GPHN: variants seen among roughly 807,000 people sequenced by gnomAD.
The protein encoded by GPHN is gephyrin.
GPHN carries 17 observed loss-of-function variants against 95.5 expected under a neutral mutation model. That is an observed-to-expected ratio of 0.18 (90% CI 0.12 to 0.27). GPHN has a LOEUF of 0.27. Among genes scored for constraint, GPHN ranks in the 10% least tolerant of loss-of-function variants. GPHN has a pLI of 1.00. For missense variants in GPHN, 660 were observed against 978.1 expected (o/e 0.67, Z 4.34); for synonymous variants, 320 against 322.5 (o/e 0.99, Z 0.08).
chr14:67,157,090 C>A (rs2081639935), intron 18 of GPHN, among the ~76,000 whole-genome samples: 1 of 151,606 alleles, frequency 6.6e-6, no homozygotes, highest in African/African-American at 2.4e-5. Context: ...AGAGACACAT[C>A]TTAAATATTA....
chr14:66,697,301 A>G (rs1287576675), intron 2 of GPHN, among the ~76,000 whole-genome samples: 1 of 152,182 alleles, frequency 6.6e-6, no homozygotes, highest in Non-Finnish European at 1.5e-5. Flanking sequence ...CAGCATTTAT[A>G]ATTTGCCTTA....
rs1444626580 is a variant in GPHN at position 66,536,239 on chromosome 14, C to T, written c.64+27648C>T. On this transcript the variant is annotated intron_variant, in intron 1 of 22. Coordinates refer to ENST00000478722, the MANE Select transcript of GPHN (RefSeq NM_020806.5). ...GTGCTGGGATTACAGGTGTGAGCCACTGCGCCCAGTCTGATAGTTTTCTAA... is the reference window on the plus strand; with the variant it reads ...GTGCTGGGATTACAGGTGTGAGCCATTGCGCCCAGTCTGATAGTTTTCTAA... 5.3e-5 allele frequency among the ~76,000 whole-genome samples: 8 copies of T among 152,316 alleles called. No individual in the cohort carries two copies. In the East Asian group the frequency reaches 5.8e-4, roughly 11 times the overall value.
intron 9 of GPHN, among the ~76,000 whole-genome samples, chr14:67,011,572 T>TGA (rs1594809648): frequency 1.9e-5 from 1 of 52,272 alleles, no homozygotes; most frequent in Admixed American, 2.7e-4. Flanking sequence ...AGACCTTGCC[T>TGA]CAAAAAAAAA....
At chr14:66,746,531 T>C (rs931397974) in intron 2 of GPHN, among the ~76,000 whole-genome samples, 1 of 152,134 alleles carries the variant, frequency 6.6e-6, no homozygotes, top group African/African-American at 2.4e-5. Flanking sequence ...GCTAAGGCCT[T>C]TAAATATTTG....
At chr14:67,303,664 T>C in the GPHN span, 2 of 1,117,816 alleles carry the variant, frequency 1.8e-6, no homozygotes, top group East Asian at 2.4e-5. Context: ...TGTTACTGTT[T>C]ACTGTTACAG....
chr14:67,351,641 TG>T, the GPHN span, among the ~76,000 whole-genome samples: 1 of 152,124 alleles, frequency 6.6e-6, no homozygotes, highest in African/African-American at 2.4e-5. Flanking sequence ...CCCAAGTAGC[TG>T]GGACTACAGG....
chr14:66,779,618 A>T (rs2059533264), intron 3 of GPHN, among the ~76,000 whole-genome samples: 1 of 152,170 alleles, frequency 6.6e-6, no homozygotes, highest in African/African-American at 2.4e-5. Flanking sequence ...ACACCTGGAC[A>T]TTGGAAAAAG....
the GPHN span, among the ~76,000 whole-genome samples, chr14:67,514,377 G>GT: frequency 6.6e-6 from 1 of 152,170 alleles, no homozygotes; most frequent in African/African-American, 2.4e-5. Context: ...GAACCGGGCT[G>GT]TAACACTCCC....
At chr14:67,468,703 G>T in the GPHN span, among the ~76,000 whole-genome samples, 2 of 152,088 alleles carry the variant, frequency 1.3e-5, no homozygotes, top group African/African-American at 2.4e-5. Flanking sequence ...AGACCAGCCT[G>T]GCCAACATGG....
rs113555859 is a variant in GPHN at position 66,844,908 on chromosome 14, T to C, written c.294+20342T>C. Among the ~76,000 whole-genome samples the C allele has an allele frequency of 3.0e-3, 464 of 152,198 alleles. 8 individuals are homozygous for C. The highest frequency in any genetic ancestry group is 0.011 in the African/African-American group (439 of 41,542). On this transcript the variant is annotated intron_variant, in intron 4 of 22. Coordinates refer to ENST00000478722, the MANE Select transcript of GPHN (RefSeq NM_020806.5). ...CTCCCTCCCCCAACCCCTGGTAAAC[T>C]ATAATCTACTTTCTGTCTTTATAAA... is the stretch of plus-strand genomic sequence containing the variant.
chr14:67,195,713 TTGTGTGTGTGTGTGTGTGTGTG>T, the GPHN span, among the ~76,000 whole-genome samples: 13 of 143,230 alleles, frequency 9.1e-5, no homozygotes, highest in Non-Finnish European at 1.7e-4. Flanking sequence ...TTCTTTTTGG[TTGTGTGTGTGTGTGTGTGTGTG>T]TGTGTGTGTG....
the GPHN span, among the ~76,000 whole-genome samples, chr14:67,425,828 C>G: frequency 6.6e-6 from 1 of 151,982 alleles, no homozygotes; most frequent in South Asian, 2.1e-4. Context: ...GGGCGTGTCT[C>G]TGCTGATCTG....
chr14:67,724,550 C>T, the GPHN span: 37 of 1,613,862 alleles, frequency 2.3e-5, no homozygotes, highest in East Asian at 8.9e-5. Flanking sequence ...GGCGCCAACA[C>T]GGGCATTGGC....
intron 10 of GPHN, among the ~76,000 whole-genome samples, chr14:67,053,635 T>C (rs1407587274): frequency 2.0e-5 from 3 of 152,058 alleles, no homozygotes; most frequent in Non-Finnish European, 4.4e-5. Flanking sequence ...CATCCTGATA[T>C]CAAAACCTGG....
At chr14:66,662,612 G>A (rs1363490626) in intron 1 of GPHN, among the ~76,000 whole-genome samples, 1 of 152,214 alleles carries the variant, frequency 6.6e-6, no homozygotes, top group African/African-American at 2.4e-5. Flanking sequence ...TTTGGAATTG[G>A]GCAGAGGCTG....
the GPHN span, among the ~76,000 whole-genome samples, chr14:67,287,973 G>A: frequency 6.6e-6 from 1 of 152,130 alleles, no homozygotes; most frequent in Non-Finnish European, 1.5e-5. Context: ...GACCCAGTAG[G>A]GATACAATTA....
the GPHN span, among the ~76,000 whole-genome samples, chr14:67,276,088 T>G: frequency 1.3e-5 from 2 of 152,230 alleles, no homozygotes; most frequent in Non-Finnish European, 2.9e-5. Flanking sequence ...TCATTGATTT[T>G]TTGAAGGGTT....
the GPHN span, among the ~76,000 whole-genome samples, chr14:67,695,142 G>C: frequency 6.6e-6 from 1 of 152,158 alleles, no homozygotes; most frequent in Non-Finnish European, 1.5e-5. Context: ...TCCGCCCACA[G>C]AACAAGCGAT....
At chr14:67,202,585 A>C in the GPHN span, among the ~76,000 whole-genome samples, 1 of 152,252 alleles carries the variant, frequency 6.6e-6, no homozygotes, top group South Asian at 2.1e-4. Context: ...ATATAAGAAG[A>C]GTTTGGCAAG....
Sources: gnomAD v4.1 joint callset for allele counts (sites outside exome capture counted in the v4.1 genomes callset) on GRCh38, gnomAD v4.1.1 for gene constraint, MANE v1.5 for transcripts, NCBI Gene and HGNC (gene_info 2026-07-23, HGNC 2026-07-21) for gene names.